The following PTPRK variants were observed in gnomAD, a reference collection of about 807,000 sequenced individuals.
PTPRK encodes the protein receptor-type tyrosine-protein phosphatase kappa.
A neutral mutation model predicts 178.0 loss-of-function variants in PTPRK; 75 were observed. The observed-to-expected ratio is 0.42, with a 90% confidence interval of 0.35 to 0.51. PTPRK has a LOEUF of 0.51. Ranked by LOEUF, PTPRK falls within the 20% of genes least tolerant of loss-of-function variation. The pLI is 0.02. For synonymous variants in PTPRK, 637 were observed against 620.6 expected (o/e 1.03, Z -0.39); for missense variants, 1,441 against 1,797.8 (o/e 0.80, Z 3.59).
intron 3 of PTPRK, among the ~76,000 whole-genome samples, chr6:128,258,595 A>G (rs1359824371): frequency 6.6e-6 from 1 of 152,240 alleles, no homozygotes; most frequent in Non-Finnish European, 1.5e-5. Context: ...AAAAACATAA[A>G]ACAAAGTTGA....
At chr6:128,273,748 AC>A (rs113010220) in intron 3 of PTPRK, among the ~76,000 whole-genome samples, 3,511 of 152,278 alleles carry the variant, frequency 0.023, 112 homozygotes, top group African/African-American at 0.079. Context: ...CTAATAAGAA[AC>A]ATTCCAGTAA....
At chr6:128,196,235 A>G (rs1583433752) in intron 6 of PTPRK, among the ~76,000 whole-genome samples, 1 of 152,202 alleles carries the variant, frequency 6.6e-6, no homozygotes, top group South Asian at 2.1e-4. Context: ...AGGACTTCTG[A>G]AAAAATATTT....
At chr6:128,332,543 G>A (rs1252750292) in intron 2 of PTPRK, among the ~76,000 whole-genome samples, 1 of 152,180 alleles carries the variant, frequency 6.6e-6, no homozygotes, top group African/African-American at 2.4e-5. Context: ...TGTTCCTTTA[G>A]ACGTACTCAT....
chr6:128,387,895 G>A (rs1838988453), intron 2 of PTPRK, among the ~76,000 whole-genome samples: 1 of 151,976 alleles, frequency 6.6e-6, no homozygotes, highest in South Asian at 2.1e-4. Context: ...TGGCTTGCCT[G>A]GGCCACCCTG....
At chr6:128,111,773 G>C (rs545935292) in intron 7 of PTPRK, among the ~76,000 whole-genome samples, 3 of 151,958 alleles carry the variant, frequency 2.0e-5, no homozygotes, top group Admixed American at 6.6e-5. Context: ...TGCTCAGTTA[G>C]ATGCCTTTAT....
intron 3 of PTPRK, among the ~76,000 whole-genome samples, chr6:128,252,944 C>T (rs893524380): frequency 1.3e-5 from 2 of 152,108 alleles, no homozygotes; most frequent in Non-Finnish European, 2.9e-5. Context: ...TGTCTGACAC[C>T]CCTATCACTA....
intron 7 of PTPRK, among the ~76,000 whole-genome samples, chr6:128,108,784 T>G (rs1169480655): frequency 6.6e-6 from 1 of 152,038 alleles, no homozygotes; most frequent in African/African-American, 2.4e-5. Flanking sequence ...GAATCTGAGA[T>G]TGGGGTGATA....
intron 7 of PTPRK, among the ~76,000 whole-genome samples, chr6:128,160,134 A>C (rs553544200): frequency 3.1e-4 from 47 of 151,836 alleles, no homozygotes; most frequent in African/African-American, 9.6e-4. Flanking sequence ...TACTCTAACA[A>C]ATTAACATTT....
At chr6:128,241,157 T>C in intron 4 of PTPRK, 12 of 487,342 alleles carry the variant, frequency 2.5e-5, no homozygotes, top group South Asian at 1.7e-4. Flanking sequence ...TTCTTAGAAT[T>C]TACCAACCAC....
At chr6:128,027,991 C>T (rs922654941) in intron 13 of PTPRK, 1 of 152,174 alleles carries the variant, frequency 6.6e-6, no homozygotes, top group Non-Finnish European at 1.5e-5. Context: ...ACTCCAAGTC[C>T]TACTCATCCT....
chr6:128,283,564 A>C (rs1242566957), intron 3 of PTPRK, among the ~76,000 whole-genome samples: 1 of 152,154 alleles, frequency 6.6e-6, no homozygotes, highest in Non-Finnish European at 1.5e-5. Context: ...AAATTAAATA[A>C]TTTTCAATGG....
chr6:128,341,566 A>G (rs1363161179), intron 2 of PTPRK, among the ~76,000 whole-genome samples: 1 of 152,216 alleles, frequency 6.6e-6, no homozygotes, highest in African/African-American at 2.4e-5. Flanking sequence ...TTTTTTCAAA[A>G]AGATGCTTCA....
At chr6:128,340,303 T>G (rs1482029386) in intron 2 of PTPRK, among the ~76,000 whole-genome samples, 2 of 152,214 alleles carry the variant, frequency 1.3e-5, no homozygotes, top group Admixed American at 6.5e-5. Flanking sequence ...AGCATAAACA[T>G]GGCAACCAGA....
chr6:128,505,265 A>G (rs1856157257), intron 1 of PTPRK, among the ~76,000 whole-genome samples: 1 of 151,012 alleles, frequency 6.6e-6, no homozygotes, highest in South Asian at 2.1e-4. Flanking sequence ...AACAGGAAGA[A>G]ACCCCATCTC....
rs569322154 is a variant in PTPRK, at chr6:128,210,529, C to T, written c.868+8393G>A. On this transcript the variant is annotated intron_variant, in intron 6 of 29. Transcript: ENST00000368226. ...GCGTGCATCTATTCAAGAAAAAATA[C>T]GCGAGGGTGGAAAGAGCAGGAAGTC... Among the ~76,000 whole-genome samples, 77 of 151,968 alleles carry T rather than the reference C, an allele frequency of 5.1e-4. 1 individual carries two copies. The highest frequency in any genetic ancestry group is 1.0e-3 in the Non-Finnish European group (69 of 67,956).
At chr6:128,168,080 A>G (rs1799673373) in intron 7 of PTPRK, among the ~76,000 whole-genome samples, 1 of 152,128 alleles carries the variant, frequency 6.6e-6, no homozygotes, top group Non-Finnish European at 1.5e-5. Flanking sequence ...TAAAATCTCC[A>G]AACAAAGTCA....
chr6:128,359,397 T>C (rs997852802), intron 2 of PTPRK, among the ~76,000 whole-genome samples: 1 of 152,198 alleles, frequency 6.6e-6, no homozygotes, highest in Non-Finnish European at 1.5e-5. Flanking sequence ...AAGAATAAAG[T>C]TTGACAACAT....
intron 2 of PTPRK, among the ~76,000 whole-genome samples, chr6:128,388,588 T>C (rs1839105737): frequency 6.6e-6 from 1 of 152,190 alleles, no homozygotes; most frequent in African/African-American, 2.4e-5. Context: ...GATCTCTACA[T>C]ATACTTGTTT....
At chr6:128,471,024 A>C (rs1410001450) in intron 1 of PTPRK, among the ~76,000 whole-genome samples, 2 of 151,914 alleles carry the variant, frequency 1.3e-5, no homozygotes, top group Non-Finnish European at 2.9e-5. Context: ...AAGTTAGAGA[A>C]TCAAAATATT....
Sources: gnomAD v4.1 joint callset for allele counts (sites outside exome capture counted in the v4.1 genomes callset) on GRCh38, gnomAD v4.1.1 for gene constraint, MANE v1.5 for transcripts, NCBI Gene and HGNC (gene_info 2026-07-23, HGNC 2026-07-21) for gene names.